Variants in LAMA4 observed in about 807,000 individuals in gnomAD.
LAMA4 encodes the protein laminin subunit alpha-4.
Under a neutral mutation model 207.1 loss-of-function variants are expected in LAMA4, and 127 were observed. That is an observed-to-expected ratio of 0.61 (90% CI 0.53 to 0.71). The LOEUF (loss-of-function observed/expected upper bound fraction) is 0.71, where lower values mean the gene tolerates loss of function less well. LAMA4 is among the 30% of genes least tolerant of loss of function. The probability of loss-of-function intolerance (pLI) is 0.00; values close to 1 mark genes in which losing one functional copy is unlikely to be tolerated. For synonymous variants in LAMA4, 761 were observed against 816.0 expected, an observed-to-expected ratio of 0.93 and a Z score of 1.15; for missense variants, 2,093 against 2,246.5, an observed-to-expected ratio of 0.93 and a Z score of 1.38.
At chr6:112,109,652 T>C (rs1777587808) in intron 38 of LAMA4, 70 bp from the exon 39 acceptor site, 1 of 1,456,564 alleles carries the variant, frequency 6.9e-7, no homozygotes, top group African/African-American at 1.9e-5. Context: ...TACTTCCTGG[T>C]AAAAGTATAC....
At chr6:112,217,896 C>T (rs781938027) in intron 2 of LAMA4, 1 of 152,172 alleles carries the variant, frequency 6.6e-6, no homozygotes, top group Non-Finnish European at 1.5e-5. Flanking sequence ...TTTAATTTCA[C>T]ATTTTTAGTC....
intron 24 of LAMA4, 31 bp downstream of exon 24, chr6:112,139,089 G>A: frequency 6.2e-7 from 1 of 1,602,974 alleles, no homozygotes; most frequent in Non-Finnish European, 8.5e-7. Flanking sequence ...GGAAATAAAG[G>A]AGAAGTAGTA....
intron 3 of LAMA4, among the ~76,000 whole-genome samples, chr6:112,207,455 AT>A (rs1784123932): frequency 6.6e-6 from 1 of 152,150 alleles, no homozygotes; most frequent in Admixed American, 6.5e-5. Context: ...GATAATCAGA[AT>A]GATCAAACCC....
chr6:112,189,279 C>G (rs1338319268), intron 6 of LAMA4, 74 bp from the exon 7 acceptor site: 2 of 931,384 alleles, frequency 2.1e-6, no homozygotes, highest in Non-Finnish European at 3.5e-6. Flanking sequence ...TTCCTGGTTT[C>G]TAGAAACACT....
At chr6:112,249,226 T>A (rs782512319) in intron 2 of LAMA4, among the ~76,000 whole-genome samples, 36 of 151,922 alleles carry the variant, frequency 2.4e-4, no homozygotes, top group Non-Finnish European at 4.6e-4. Context: ...GGGTGGATCA[T>A]AAGGTCAGGT....
rs940508604 is a variant in LAMA4, at chr6:112,107,988, C to T, written c.*1449G>A. Among the ~76,000 whole-genome samples the T allele has an allele frequency of 3.9e-5, 6 of 152,020 alleles. No individual in the cohort carries two copies. Among genetic ancestry groups the T allele is most frequent in the Non-Finnish European group, 1.5e-5 (1 of 67,960 alleles). ...TGGTGGCTGGCACTTAGTAAGTCCT[C>T]TATGAACAGACATTAGCTATGTTTA... is the stretch of plus-strand genomic sequence containing the variant. On this transcript the variant is annotated 3_prime_UTR_variant, in exon 39 of 39. Transcript: ENST00000230538.
chr6:112,138,282 T>A (rs146761484), intron 24 of LAMA4, among the ~76,000 whole-genome samples: 1 of 152,310 alleles, frequency 6.6e-6, no homozygotes, highest in African/African-American at 2.4e-5. Flanking sequence ...TGAATGTGAT[T>A]GAAAACTATT....
chr6:112,200,012 A>G, intron 5 of LAMA4: 1 of 477,202 alleles, frequency 2.1e-6, no homozygotes, highest in Non-Finnish European at 4.3e-6. Context: ...GGTGAGGCCA[A>G]TGCTAATGGC....
intron 24 of LAMA4, among the ~76,000 whole-genome samples, chr6:112,138,369 C>A (rs538023810): frequency 1.2e-3 from 186 of 152,198 alleles, no homozygotes; most frequent in African/African-American, 4.3e-3. Context: ...GTTACAACCA[C>A]CAATAAAATT....
chr6:112,144,727 A>G (rs1779913698), intron 19 of LAMA4, 67 bp downstream of exon 19: 11 of 1,567,070 alleles, frequency 7.0e-6, no homozygotes, highest in South Asian at 1.1e-5. Flanking sequence ...AAGCTGCCCA[A>G]GCAGTTGGAG....
chr6:112,226,436 G>C (rs1318183419), intron 2 of LAMA4, among the ~76,000 whole-genome samples: 2 of 152,152 alleles, frequency 1.3e-5, no homozygotes, highest in African/African-American at 4.8e-5. Context: ...ATACGCTACA[G>C]AGGCCTGGGA....
At chr6:112,146,464 C>T (rs1177772991) in intron 18 of LAMA4, among the ~76,000 whole-genome samples, 13 of 152,162 alleles carry the variant, frequency 8.5e-5, no homozygotes, top group African/African-American at 2.7e-4. Context: ...AAGTTCTTGG[C>T]CCTGTCCCGA....
intron 12 of LAMA4, among the ~76,000 whole-genome samples, chr6:112,168,612 C>T (rs896707297): frequency 1.6e-4 from 25 of 152,012 alleles, no homozygotes; most frequent in African/African-American, 5.3e-4. Context: ...TCCCAAAGTG[C>T]AGGGATTACA....
At chr6:112,243,372 T>C (rs1037107385) in intron 2 of LAMA4, among the ~76,000 whole-genome samples, 2 of 152,228 alleles carry the variant, frequency 1.3e-5, no homozygotes, top group Admixed American at 6.5e-5. Context: ...GCTATGACTA[T>C]GTGATTCAGT....
chr6:112,115,977 A>G lies in LAMA4; in HGVS notation c.4998T>C (p.Ile1666=). The change falls in exon 36 of 39, where the codon ATT becomes ATC. Residue 1666 remains isoleucine, a synonymous_variant. Transcript: ENST00000230538. ...GYVVLDESFN[I]GLKFEIAFEV... is the part of the protein sequence containing the mutation. ...CAAATGCAATTTCAAACTTCAATCC[A>G]ATATTGAAAGATTCATCTGTGGAGA... is the stretch of plus-strand genomic sequence containing the variant. 1 of 1,613,050 alleles carries G rather than the reference A, an allele frequency of 6.2e-7. No individual in the cohort carries two copies. Among genetic ancestry groups the G allele is most frequent in the Non-Finnish European group, 8.5e-7 (1 of 1,179,244 alleles).
At chr6:112,168,281 A>G (rs1781508185) in intron 12 of LAMA4, among the ~76,000 whole-genome samples, 2 of 151,288 alleles carry the variant, frequency 1.3e-5, no homozygotes, top group South Asian at 4.2e-4. Flanking sequence ...TGATCATTCC[A>G]GTGATACAAC....
rs1777527394 is a variant in LAMA4, at chr6:112,108,229, G to A, written c.*1208C>T. On this transcript the variant is annotated 3_prime_UTR_variant, in exon 39 of 39. Transcript: ENST00000230538. The stretch of plus-strand genomic sequence containing the variant: ...TATTGTTAATTCTGTTGATATCAGG[G>A]CCTATTTTCTCTTTTTCTGTCTTCT... Among the ~76,000 whole-genome samples, 1 of 151,852 alleles carries A rather than the reference G, an allele frequency of 6.6e-6. No individual in the cohort carries two copies. Among genetic ancestry groups the A allele is most frequent in the South Asian group, 2.1e-4 (1 of 4,818 alleles).
chr6:112,210,282 C>T (rs1289460233), intron 3 of LAMA4, among the ~76,000 whole-genome samples: 3 of 151,680 alleles, frequency 2.0e-5, no homozygotes, highest in Non-Finnish European at 4.4e-5. Context: ...ATGGCCACTC[C>T]ATAGACACAG....
intron 18 of LAMA4, 59 bp downstream of exon 18, chr6:112,148,098 A>C: frequency 6.7e-7 from 1 of 1,483,258 alleles, no homozygotes; most frequent in Non-Finnish European, 9.4e-7. Flanking sequence ...CAAAAGATGT[A>C]TAGAGTTTAA....
Sources: allele counts gnomAD v4.1 joint callset (sites outside exome capture counted in the v4.1 genomes callset), GRCh38; gene constraint gnomAD v4.1.1; transcripts MANE v1.5; gene names NCBI Gene and HGNC (gene_info 2026-07-23, HGNC 2026-07-21).